Variants in SLC24A3 observed in about 807,000 individuals in gnomAD.
The protein encoded by SLC24A3 is solute carrier family 24 member 3.
A neutral mutation model predicts 75.8 loss-of-function variants in SLC24A3; 28 were observed. The ratio of observed to expected loss-of-function variants is 0.37; its 90% CI spans 0.27 to 0.51. The LOEUF is 0.51. Among genes scored for constraint, SLC24A3 ranks in the 20% least tolerant of loss-of-function variants. The pLI is 0.94. For synonymous variants in SLC24A3, 372 were observed against 334.1 expected, an observed-to-expected ratio of 1.11 and a Z score of -1.24; for missense variants, 663 against 847.8, an observed-to-expected ratio of 0.78 and a Z score of 2.71.
chr20:19,382,997 G>C (rs952958557), intron 2 of SLC24A3, among the ~76,000 whole-genome samples: 2 of 152,186 alleles, frequency 1.3e-5, no homozygotes, highest in African/African-American at 4.8e-5. Flanking sequence ...TGTTTAAGTA[G>C]AGAGAAGAGG....
rs372495123 is a variant in SLC24A3, at chr20:19,681,891, G to A, written c.801G>A (p.Arg267=). The A allele has an allele frequency of 1.4e-5, 23 of 1,614,178 alleles. No homozygotes were observed. The highest frequency in any genetic ancestry group is 4.5e-5 in the East Asian group (2 of 44,886). Residue 267 remains arginine (R), a synonymous_variant, in exon 10 of 17, where the codon AGG becomes AGA. Coordinates refer to ENST00000328041, the MANE Select transcript of SLC24A3 (RefSeq NM_020689.4). ...CTTGCATACATCAGTGCTTTGAGAG[G>A]AGGACAAAAGGTGCCGGGAACATGG... The part of the protein sequence containing the change: ...YNACIHQCFE[R]RTKGAGNMVN...
At chr20:19,264,330 G>T (rs185804833) in intron 1 of SLC24A3, among the ~76,000 whole-genome samples, 2 of 152,242 alleles carry the variant, frequency 1.3e-5, no homozygotes, top group Admixed American at 6.5e-5. Flanking sequence ...AGCCTCAGGT[G>T]CCATGGGCAG....
In SLC24A3 at chr20:19,493,638, G is replaced by A. The variant is rs1988237955; in HGVS notation, c.272-21850G>A. On this transcript the variant is annotated intron_variant, in intron 2 of 16. Coordinates refer to ENST00000328041, the MANE Select transcript of SLC24A3 (RefSeq NM_020689.4). ...AGATGTCAGGGGGTGGGTAAGAGGA[G>A]AGAATCTGGGTGCTTTCTTAGGGAA... Among the ~76,000 whole-genome samples the A allele has an allele frequency of 3.9e-5, 6 of 152,314 alleles. No individual in the cohort carries two copies. The South Asian group carries it at 1.2e-3, about 32-fold the overall frequency.
intron 1 of SLC24A3, among the ~76,000 whole-genome samples, chr20:19,249,405 A>G (rs998867295): frequency 2.6e-5 from 4 of 152,006 alleles, no homozygotes; most frequent in African/African-American, 7.3e-5. Flanking sequence ...CCTCAAGACC[A>G]CTTTCTTCAT....
At chr20:19,268,587 T>G (rs1366233150) in intron 1 of SLC24A3, among the ~76,000 whole-genome samples, 3 of 152,258 alleles carry the variant, frequency 2.0e-5, no homozygotes, top group Admixed American at 1.3e-4. Flanking sequence ...AAGTTCATGA[T>G]AGATCTGAGA....
intron 6 of SLC24A3, among the ~76,000 whole-genome samples, chr20:19,639,692 A>G (rs978080218): frequency 3.3e-5 from 5 of 152,176 alleles, no homozygotes; most frequent in Admixed American, 1.3e-4. Flanking sequence ...GCGGCGCTCA[A>G]TGGGGAGGCT....
intron 2 of SLC24A3, among the ~76,000 whole-genome samples, chr20:19,474,599 C>T (rs1307019263): frequency 1.3e-5 from 2 of 151,972 alleles, no homozygotes; most frequent in Admixed American, 1.3e-4. Context: ...ATTTTAGGAA[C>T]ATTTTTATTT....
rs570176408 is a variant in SLC24A3 at position 19,412,855 on chromosome 20, C to G, written c.272-102633C>G. Among the ~76,000 whole-genome samples the G allele has an allele frequency of 2.0e-5, 3 of 152,232 alleles. No individual in the cohort carries two copies. In the South Asian group the frequency reaches 6.2e-4, roughly 32 times the overall value. ...CAGCCCCTAAACTCCCAGTAACCAG[C>G]CAATTGATATTACTTTGGAGGCCTC... On this transcript the variant is annotated intron_variant, in intron 2 of 16. Transcript: ENST00000328041.
intron 3 of SLC24A3, among the ~76,000 whole-genome samples, chr20:19,562,701 T>G (rs1249935076): frequency 1.3e-5 from 2 of 152,212 alleles, no homozygotes; most frequent in Non-Finnish European, 2.9e-5. Flanking sequence ...GTGTGTTGGC[T>G]TTGTTCATTT....
intron 2 of SLC24A3, among the ~76,000 whole-genome samples, chr20:19,512,513 G>A (rs1445703983): frequency 1.3e-5 from 2 of 152,240 alleles, no homozygotes; most frequent in African/African-American, 4.8e-5. Flanking sequence ...ACCAGGCCCA[G>A]TGGGATACAC....
chr20:19,653,585 C>T (rs1199170474), intron 6 of SLC24A3, among the ~76,000 whole-genome samples: 9 of 152,208 alleles, frequency 5.9e-5, no homozygotes, highest in African/African-American at 1.9e-4. Flanking sequence ...GGCAAAGGCA[C>T]AGGTTAGGAT....
intron 1 of SLC24A3, among the ~76,000 whole-genome samples, chr20:19,267,809 C>T (rs764132110): frequency 1.1e-4 from 16 of 152,044 alleles, no homozygotes; most frequent in Non-Finnish European, 1.5e-4. Flanking sequence ...GGATGTGGAG[C>T]GAGGGCAGAC....
chr20:19,240,942 A>C (rs1052733774), intron 1 of SLC24A3, among the ~76,000 whole-genome samples: 1 of 152,196 alleles, frequency 6.6e-6, no homozygotes, highest in African/African-American at 2.4e-5. Context: ...AGCAGGGTGC[A>C]TGGCCGGCAA....
At chr20:19,449,677 C>A (rs73900160) in intron 2 of SLC24A3, among the ~76,000 whole-genome samples, 1 of 152,150 alleles carries the variant, frequency 6.6e-6, no homozygotes, top group Non-Finnish European at 1.5e-5. Flanking sequence ...TCTTCCTGGG[C>A]AGTCATGTTT....
intron 1 of SLC24A3, among the ~76,000 whole-genome samples, chr20:19,265,545 G>A (rs542658516): frequency 6.6e-6 from 1 of 152,194 alleles, no homozygotes; most frequent in Non-Finnish European, 1.5e-5. Context: ...GTAGAAGCAT[G>A]TATCAGCTAT....
At chr20:19,584,590 C>T (rs978839292) in intron 4 of SLC24A3, among the ~76,000 whole-genome samples, 1 of 152,202 alleles carries the variant, frequency 6.6e-6, no homozygotes, top group African/African-American at 2.4e-5. Flanking sequence ...TCAGACCTAC[C>T]GCCTGCTGTG....
intron 3 of SLC24A3, among the ~76,000 whole-genome samples, chr20:19,567,612 G>C (rs2030980880): frequency 6.6e-6 from 1 of 152,144 alleles, no homozygotes; most frequent in African/African-American, 2.4e-5. Flanking sequence ...ACAACATTCA[G>C]TTTACCCATG....
At chr20:19,576,179 C>G (rs2031131655) in intron 3 of SLC24A3, among the ~76,000 whole-genome samples, 2 of 152,072 alleles carry the variant, frequency 1.3e-5, no homozygotes, top group South Asian at 2.1e-4. Context: ...TCTCAACAAA[C>G]AGTGGCAAAT....
chr20:19,336,992 C>G (rs948666843), intron 2 of SLC24A3, among the ~76,000 whole-genome samples: 8 of 152,048 alleles, frequency 5.3e-5, no homozygotes, highest in African/African-American at 1.9e-4. Context: ...GATAAGTTGC[C>G]CTTGGGTTCA....
Sources: allele counts gnomAD v4.1 joint callset (sites outside exome capture counted in the v4.1 genomes callset), GRCh38; gene constraint gnomAD v4.1.1; transcripts MANE v1.5; gene names NCBI Gene and HGNC (gene_info 2026-07-23, HGNC 2026-07-21).